The following CLCA1 variants were observed in gnomAD, a reference collection of about 807,000 sequenced individuals.
The protein encoded by CLCA1 is chloride channel accessory 1.
Under a neutral mutation model 85.6 loss-of-function variants are expected in CLCA1, and 59 were observed. The ratio of observed to expected loss-of-function variants is 0.69; its 90% CI spans 0.56 to 0.86. The LOEUF is 0.86. Ranked by LOEUF, CLCA1 falls within the 40% of genes least tolerant of loss-of-function variation. The probability of loss-of-function intolerance (pLI) is 0.00; values close to 1 mark genes in which losing one functional copy is unlikely to be tolerated. For synonymous variants in CLCA1, 396 were observed against 398.3 expected (o/e 0.99, Z 0.07); for missense variants, 1,022 against 1,101.4 (o/e 0.93, Z 1.02).
At position 86,491,363 on chromosome 1, in the gene CLCA1, T is replaced by C; in HGVS notation, c.1456T>C (p.Ser486Pro). Reference sequence around the variant, plus strand: ...AGGAAATGGAGCTGTCTCTCAGCGCTCCATCCAGGTTGGAGTTCTTAATCT... The same window carrying C: ...AGGAAATGGAGCTGTCTCTCAGCGCCCCATCCAGGTTGGAGTTCTTAATCT... ...SSGNGAVSQR[S>P]IQLESKGLTL... Residue 486 changes from serine to proline, a missense_variant, in exon 9 of 14, where the codon TCC (serine) becomes CCC (proline). Coordinates refer to ENST00000394711, the MANE Select transcript of CLCA1 (RefSeq NM_001285.4). 4.3e-6 allele frequency: 7 copies of C among 1,609,592 alleles called. No homozygotes were observed. The highest frequency in any genetic ancestry group is 6.0e-6 in the Non-Finnish European group (7 of 1,176,342).
At chr1:86,499,407 G>T (rs1014136884) in intron 13 of CLCA1, among the ~76,000 whole-genome samples, 16 of 152,154 alleles carry the variant, frequency 1.1e-4, no homozygotes, top group African/African-American at 3.9e-4. Flanking sequence ...TGCTGACCAA[G>T]GCTTTACGTC....
intron 4 of CLCA1, among the ~76,000 whole-genome samples, chr1:86,477,098 T>A (rs1039568034): frequency 1.3e-5 from 2 of 152,188 alleles, no homozygotes; most frequent in African/African-American, 4.8e-5. Flanking sequence ...TCTGTAGAGA[T>A]GGAGTCTCAC....
chr1:86,489,151 G>A lies in CLCA1; in HGVS notation c.1338G>A (p.Glu446=), dbSNP rs747282162. The A allele has an allele frequency of 1.9e-6, 3 of 1,613,922 alleles. No homozygotes were observed. The highest frequency in any genetic ancestry group is 1.7e-4 in the Middle Eastern group (1 of 6,048). Residue 446 remains glutamate (E), a synonymous_variant, in exon 8 of 14, where the codon GAG becomes GAA. Transcript: ENST00000394711. Reference sequence around the variant, plus strand: ...GGCCCTCTGCAGCTCAAGAACTAGAGGAGCTGTCCAAAATGACAGGTGAGG... The same window carrying A: ...GGCCCTCTGCAGCTCAAGAACTAGAAGAGCTGTCCAAAATGACAGGTGAGG... ...ALGPSAAQEL[E]ELSKMTGGLQ...
intron 12 of CLCA1, 41 bp downstream of exon 12, chr1:86,495,716 A>T (rs1558147014): frequency 1.3e-6 from 2 of 1,555,200 alleles, no homozygotes; most frequent in Non-Finnish European, 8.7e-7. Flanking sequence ...GTGCAAAAGC[A>T]TTGGTTTCAA....
chr1:86,474,366 A>T (rs1463307558), intron 3 of CLCA1, among the ~76,000 whole-genome samples: 2 of 152,192 alleles, frequency 1.3e-5, no homozygotes, highest in African/African-American at 4.8e-5. Context: ...CATCCTGGCT[A>T]ACACAGTGAA....
intron 4 of CLCA1, among the ~76,000 whole-genome samples, chr1:86,479,870 G>A (rs1219488487): frequency 2.0e-5 from 3 of 152,168 alleles, no homozygotes; most frequent in Non-Finnish European, 2.9e-5. Context: ...GGGCAACAGA[G>A]TGAGACTCCA....
At chr1:86,476,590 T>C (rs777169467) in intron 4 of CLCA1, 37 bp downstream of exon 4, 8 of 1,030,772 alleles carry the variant, frequency 7.8e-6, no homozygotes, top group Non-Finnish European at 9.0e-6. Context: ...CCAAACTATT[T>C]TAAATTGCAA....
chr1:86,490,915 A>C (rs143479598), intron 8 of CLCA1, among the ~76,000 whole-genome samples: 60,543 of 147,948 alleles, frequency 0.41, 13,220 homozygotes, highest in Non-Finnish European at 0.48. Flanking sequence ...AAAAAAAAAA[A>C]AAAAAAATAC....
In CLCA1 at chr1:86,498,598, C is replaced by T; in HGVS notation, c.2140C>T (p.Pro714Ser). Reference sequence around the variant, plus strand: ...TGAAATACAATGGAATCCACCAAGACCTGAAATTAATAAGGATGATGTTCA... The same window carrying T: ...TGAAATACAATGGAATCCACCAAGATCTGAAATTAATAAGGATGATGTTCA... ...NDEIQWNPPR[P>S]EINKDDVQHK... The change falls in exon 13 of 14, where the codon CCT becomes TCT. Residue 714 changes from proline to serine, a missense_variant. Transcript: ENST00000394711. 6.2e-7 allele frequency: 1 copy of T among 1,613,474 alleles called. No homozygotes were observed. The highest frequency in any genetic ancestry group is 1.1e-5 in the South Asian group (1 of 91,026).
intron 3 of CLCA1, among the ~76,000 whole-genome samples, chr1:86,476,059 G>C (rs147557543): frequency 5.9e-5 from 9 of 152,270 alleles, no homozygotes; most frequent in African/African-American, 2.2e-4. Flanking sequence ...AGAATTGGTT[G>C]AGGATGCTGC....
intron 3 of CLCA1, 93 bp downstream of exon 3, chr1:86,473,969 A>C (rs570565577): frequency 2.3e-6 from 2 of 860,552 alleles, no homozygotes; most frequent in South Asian, 7.1e-5. Context: ...GTAAGCATGT[A>C]TAAGCCAAAC....
intron 4 of CLCA1, among the ~76,000 whole-genome samples, chr1:86,481,097 G>A: frequency 6.6e-6 from 1 of 152,180 alleles, no homozygotes; most frequent in Middle Eastern, 3.4e-3. Flanking sequence ...ACATATGATA[G>A]TATTAAAAGA....
intron 2 of CLCA1, 85 bp from the exon 3 acceptor site, chr1:86,473,644 A>G: frequency 1.3e-6 from 2 of 1,498,966 alleles, no homozygotes; most frequent in Non-Finnish European, 1.8e-6. Flanking sequence ...ATCAAATGTG[A>G]TTGTTTGAAA....
rs747653097 is a variant in CLCA1, at chr1:86,493,375, T to C, written c.1465-9T>C. ...TTCTCCAGAAAGTAAGAGCTGTTTT[T>C]CTTAACAGCTTGAGAGTAAGGGATT... On this transcript the variant is annotated splice_polypyrimidine_tract_variant and intron_variant, in intron 9 of 13. Coordinates refer to ENST00000394711, the MANE Select transcript of CLCA1 (RefSeq NM_001285.4). The C allele has an allele frequency of 1.2e-6, 2 of 1,606,776 alleles. No individual in the cohort carries two copies. The highest frequency in any genetic ancestry group is 2.2e-5 in the East Asian group (1 of 44,840).
At chr1:86,470,090 T>C (rs1190750716) in intron 1 of CLCA1, among the ~76,000 whole-genome samples, 1 of 152,210 alleles carries the variant, frequency 6.6e-6, no homozygotes, top group African/African-American at 2.4e-5. Context: ...GATATAGTCA[T>C]TGGCTCTCTC....
intron 9 of CLCA1, among the ~76,000 whole-genome samples, chr1:86,493,123 T>A (rs189887382): frequency 4.4e-4 from 67 of 150,860 alleles, no homozygotes; most frequent in African/African-American, 1.5e-3. Context: ...AACTAAAGAG[T>A]ACGATAATAA....
intron 7 of CLCA1, among the ~76,000 whole-genome samples, chr1:86,488,099 T>A (rs1648030509): frequency 6.6e-6 from 1 of 152,212 alleles, no homozygotes; most frequent in African/African-American, 2.4e-5. Flanking sequence ...TCCTCTGCCC[T>A]CAGCTTTCCC....
intron 6 of CLCA1, among the ~76,000 whole-genome samples, chr1:86,486,012 C>T (rs1040095855): frequency 2.6e-5 from 2 of 76,952 alleles, no homozygotes; most frequent in Non-Finnish European, 5.4e-5. Flanking sequence ...TCTTACATGG[C>T]AGCAGGAGAG....
At chr1:86,484,447 C>T (rs1348215538) in intron 5 of CLCA1, among the ~76,000 whole-genome samples, 3 of 152,124 alleles carry the variant, frequency 2.0e-5, no homozygotes, top group African/African-American at 7.2e-5. Flanking sequence ...ACATGGAATA[C>T]ACAGCCAGAA....
Sources: gnomAD v4.1 joint callset for allele counts (sites outside exome capture counted in the v4.1 genomes callset) on GRCh38, gnomAD v4.1.1 for gene constraint, MANE v1.5 for transcripts, NCBI Gene and HGNC (gene_info 2026-07-23, HGNC 2026-07-21) for gene names.